Variants in PER2 observed in about 807,000 individuals in gnomAD.
PER2 encodes the protein period circadian protein homolog 2.
Under a neutral mutation model 121.0 loss-of-function variants are expected in PER2, and 66 were observed. The ratio of observed to expected loss-of-function variants is 0.55; its 90% CI spans 0.45 to 0.67. The LOEUF (loss-of-function observed/expected upper bound fraction) is 0.67. Among genes scored for constraint, PER2 ranks in the 30% least tolerant of loss-of-function variants. The pLI, the probability that PER2 is intolerant of heterozygous loss-of-function variation, is 0.00. For synonymous variants in PER2, 684 were observed against 659.9 expected, an observed-to-expected ratio of 1.04 and a Z score of -0.56; for missense variants, 1,521 against 1,635.0, an observed-to-expected ratio of 0.93 and a Z score of 1.20.
chr2:238,257,726 G>A (rs1695805480), intron 16 of PER2, among the ~76,000 whole-genome samples: 1 of 152,156 alleles, frequency 6.6e-6, no homozygotes, highest in Non-Finnish European at 1.5e-5. Context: ...CACCCACCTC[G>A]GCCTCCCAAA....
chr2:238,282,671 T>C lies in PER2; in HGVS notation c.-19-4716A>G, dbSNP rs886929227. Among the ~76,000 whole-genome samples, 7 of 152,350 alleles carry C rather than the reference T, an allele frequency of 4.6e-5. No homozygotes were observed. The East Asian group carries it at 1.2e-3, about 25-fold the overall frequency. On this transcript the variant is annotated intron_variant, in intron 1 of 22. Coordinates refer to ENST00000254657, the MANE Select transcript of PER2 (RefSeq NM_022817.3). Reference sequence around the variant, plus strand: ...AGTTTCCCACTGACTGACTTGCCCTTATTCGCTTAGCACTGAGGGCTGGCA... The same window carrying C: ...AGTTTCCCACTGACTGACTTGCCCTCATTCGCTTAGCACTGAGGGCTGGCA...
chr2:238,248,479 G>GT (rs1240500083), intron 22 of PER2, among the ~76,000 whole-genome samples: 27 of 151,222 alleles, frequency 1.8e-4, no homozygotes, highest in African/African-American at 6.3e-4. Context: ...ACAGGAGAGG[G>GT]TTTTTTTTTG....
intron 22 of PER2, among the ~76,000 whole-genome samples, chr2:238,247,860 G>C (rs1259543924): frequency 6.6e-6 from 1 of 152,230 alleles, no homozygotes; most frequent in Non-Finnish European, 1.5e-5. Context: ...GTGCTGGCAG[G>C]AATCTGAACT....
upstream of PER2, among the ~76,000 whole-genome samples, chr2:238,294,906 A>G (rs548787234): frequency 1.3e-5 from 2 of 152,298 alleles, no homozygotes; most frequent in South Asian, 2.1e-4. Context: ...TTCCATTAAT[A>G]TAACTCCGCT....
chr2:238,248,747 C>T (rs980140621), intron 22 of PER2, among the ~76,000 whole-genome samples: 3 of 151,722 alleles, frequency 2.0e-5, no homozygotes, highest in Non-Finnish European at 4.4e-5. Flanking sequence ...GCTCTGCCTC[C>T]GGGGTTCCCG....
At position 238,268,004 on chromosome 2, in the gene PER2, C is replaced by CT; in HGVS notation, c.967+51dup. ...TGTTATGTGTGAACCACAGGAGTAA[C>CT]TGAGGGGGAGCCAGAGACAACATCT... On this transcript the variant is annotated intron_variant, in intron 8 of 22. Transcript: ENST00000254657. This position sits in a 1 kb window ranked among gnomAD's most constrained non-coding sequence, Gnocchi z 4.0. The CT allele has an allele frequency of 6.2e-7, 1 of 1,603,898 alleles. No homozygotes were observed. Among genetic ancestry groups the CT allele is most frequent in the Middle Eastern group, 1.7e-4 (1 of 6,048 alleles).
chr2:238,266,052 T>C (rs62194936), intron 8 of PER2, among the ~76,000 whole-genome samples: 24,254 of 151,924 alleles, frequency 0.16, 3,012 homozygotes, highest in African/African-American at 0.34. Context: ...TACAGGCGTG[T>C]GCCACCACGC....
At position 238,268,220 on chromosome 2, in the gene PER2, T is replaced by C. The variant is rs775615900; in HGVS notation, c.825-22A>G. 5.5e-5 allele frequency: 88 copies of C among 1,612,684 alleles called. No homozygotes were observed. Among genetic ancestry groups the C allele is most frequent in the Non-Finnish European group, 4.2e-6 (5 of 1,179,622 alleles). The stretch of plus-strand genomic sequence containing the variant: ...GACACTGCGGAGAAGAGCCACGCTC[T>C]AAGTTGGGAACTGTGACACAGGAAC... On this transcript the variant is annotated intron_variant, in intron 7 of 22. Transcript: ENST00000254657. The surrounding 1 kb of genome is among the most constrained non-coding windows in gnomAD (Gnocchi z 4.0).
chr2:238,265,701 G>GA (rs1208615203), intron 8 of PER2, 111 bp from the exon 9 acceptor site: 3 of 735,278 alleles, frequency 4.1e-6, no homozygotes, highest in African/African-American at 3.5e-5. Flanking sequence ...AGCAGCTAAA[G>GA]AAAAAAATTA....
At chr2:238,285,994 GGAAAAT>G (rs1250712676) in intron 1 of PER2, among the ~76,000 whole-genome samples, 3 of 152,156 alleles carry the variant, frequency 2.0e-5, no homozygotes, top group African/African-American at 7.2e-5. Flanking sequence ...GGGTAACTGA[GGAAAAT>G]GTGACCGCAG....
At chr2:238,255,932 G>A (rs1259729077) in intron 17 of PER2, 21 bp from the exon 18 acceptor site, 2 of 1,614,016 alleles carry the variant, frequency 1.2e-6, no homozygotes, top group South Asian at 2.2e-5. Flanking sequence ...AGAACCCAGG[G>A]CTCTGGTCCA....
In PER2 at chr2:238,286,286, C is replaced by T. The variant is rs556429235; in HGVS notation, c.-20+2063G>A. 1.5e-4 allele frequency among the ~76,000 whole-genome samples: 23 copies of T among 152,204 alleles called. No homozygotes were observed. In the South Asian group the frequency reaches 4.6e-3, roughly 30 times the overall value. ...CCTCTATGTCACCCCAGGAAGAGCA[C>T]GAGGAACCCTTCGAGGCCGGTGAGG... On this transcript the variant is annotated intron_variant, in intron 1 of 22. Transcript: ENST00000254657.
intron 1 of PER2, among the ~76,000 whole-genome samples, chr2:238,281,439 T>C (rs1287102458): frequency 1.3e-5 from 2 of 152,240 alleles, no homozygotes; most frequent in East Asian, 3.8e-4. Flanking sequence ...AATGCCAGCA[T>C]CATTCCCCTT....
upstream of PER2, among the ~76,000 whole-genome samples, chr2:238,293,074 T>C (rs1006135140): frequency 1.5e-4 from 22 of 151,286 alleles, no homozygotes; most frequent in African/African-American, 4.9e-4. Flanking sequence ...ATAGGTGCAG[T>C]GGGCTTTTAA....
intron 20 of PER2, among the ~76,000 whole-genome samples, chr2:238,250,952 C>T (rs528676702): frequency 7.8e-4 from 119 of 152,326 alleles, no homozygotes; most frequent in African/African-American, 2.6e-3. Context: ...GCCATGCAGG[C>T]GATTCTTTCC....
upstream of PER2, chr2:238,289,774 G>C (rs1574866757): frequency 6.6e-6 from 1 of 152,258 alleles, no homozygotes; most frequent in Non-Finnish European, 1.5e-5. Flanking sequence ...GAGACAGCGC[G>C]GGACCCTGCA....
At chr2:238,247,437 C>T (rs1046252429) in intron 22 of PER2, 6 of 152,204 alleles carry the variant, frequency 3.9e-5, no homozygotes, top group East Asian at 3.8e-4. Flanking sequence ...AGTATCTTAC[C>T]GTCAACATCA....
intron 13 of PER2, 53 bp downstream of exon 13, chr2:238,260,775 C>G: frequency 6.2e-7 from 1 of 1,608,910 alleles, no homozygotes; most frequent in Non-Finnish European, 8.5e-7. Flanking sequence ...CTTTTTAACT[C>G]TGGAGGGACA....
Position 238,271,301 on chromosome 2 carries a change from G to A in PER2, c.772+11C>T, listed in dbSNP as rs199669971. ...CCCAGAGGGAACAAGGCACTACCTCGATAACCTCACCTGCTCCACTGCACA... is the reference window on the plus strand; with the variant it reads ...CCCAGAGGGAACAAGGCACTACCTCAATAACCTCACCTGCTCCACTGCACA... On this transcript the variant is annotated intron_variant, in intron 6 of 22. Coordinates refer to ENST00000254657, the MANE Select transcript of PER2 (RefSeq NM_022817.3). 5.6e-6 allele frequency: 9 copies of A among 1,611,112 alleles called. No individual in the cohort carries two copies. Among genetic ancestry groups the A allele is most frequent in the East Asian group, 2.2e-5 (1 of 44,872 alleles).
Sources: allele counts gnomAD v4.1 joint callset (sites outside exome capture counted in the v4.1 genomes callset), GRCh38; gene constraint gnomAD v4.1.1; non-coding constraint Gnocchi (gnomAD v3.1); transcripts MANE v1.5; gene names NCBI Gene and HGNC (gene_info 2026-07-23, HGNC 2026-07-21).